The following BMPR1B variants were observed in gnomAD, a reference collection of about 807,000 sequenced individuals.
BMPR1B encodes bone morphogenetic protein receptor type 1B, also known as bone morphogenetic protein receptor type-1B.
BMPR1B carries 12 observed loss-of-function variants against 59.1 expected under a neutral mutation model. That is an observed-to-expected ratio of 0.20 (90% CI 0.13 to 0.33). The LOEUF is 0.33. BMPR1B is among the 10% of genes least tolerant of loss of function. The pLI, the probability that BMPR1B is intolerant of heterozygous loss-of-function variation, is 1.00. For missense variants in BMPR1B, 550 were observed against 610.9 expected, an observed-to-expected ratio of 0.90 and a Z score of 1.05; for synonymous variants, 237 against 207.3, an observed-to-expected ratio of 1.14 and a Z score of -1.23.
At chr4:94,906,713 T>C (rs981235283) in intron 2 of BMPR1B, among the ~76,000 whole-genome samples, 2 of 152,018 alleles carry the variant, frequency 1.3e-5, no homozygotes, top group Non-Finnish European at 2.9e-5. Context: ...GCCTGATAGA[T>C]TGTTGAAGTA....
chr4:94,796,689 T>C (rs1035256114), intron 1 of BMPR1B, among the ~76,000 whole-genome samples: 1 of 152,096 alleles, frequency 6.6e-6, no homozygotes, highest in African/African-American at 2.4e-5. Context: ...ATGTGTGTGC[T>C]TTCAGTTCTT....
chr4:94,766,498 A>G (rs1721973653), intron 1 of BMPR1B, among the ~76,000 whole-genome samples: 1 of 151,054 alleles, frequency 6.6e-6, no homozygotes, highest in African/African-American at 2.4e-5. Context: ...CCAGCCCTAT[A>G]CCTGTGAGTA....
intron 1 of BMPR1B, among the ~76,000 whole-genome samples, chr4:94,787,454 A>G: frequency 6.6e-6 from 1 of 152,234 alleles, no homozygotes; most frequent in East Asian, 1.9e-4. Flanking sequence ...TCCAGAGGAA[A>G]GAAGTATTCT....
chr4:94,889,547 G>T (rs1027403576), intron 2 of BMPR1B, among the ~76,000 whole-genome samples: 1 of 152,052 alleles, frequency 6.6e-6, no homozygotes, highest in African/African-American at 2.4e-5. Flanking sequence ...CAAATAAAAG[G>T]TGTTGTGCTT....
chr4:95,093,478 C>A (rs1579066412), intron 3 of BMPR1B, among the ~76,000 whole-genome samples: 3 of 151,572 alleles, frequency 2.0e-5, no homozygotes, highest in African/African-American at 7.3e-5. Context: ...ACCTGGAAAA[C>A]AAATGAATAT....
chr4:95,086,038 A>G (rs897051721), intron 3 of BMPR1B, among the ~76,000 whole-genome samples: 1 of 151,714 alleles, frequency 6.6e-6, no homozygotes, highest in Non-Finnish European at 1.5e-5. Flanking sequence ...TAAAAATACA[A>G]AATCTTTTGA....
chr4:94,777,497 G>A (rs1299369128), intron 1 of BMPR1B, among the ~76,000 whole-genome samples: 6 of 151,994 alleles, frequency 3.9e-5, no homozygotes, highest in South Asian at 2.1e-4. Context: ...ATGGTTCTGA[G>A]TTTTACTTAA....
chr4:94,926,405 C>G (rs1017990835), intron 2 of BMPR1B, among the ~76,000 whole-genome samples: 6 of 152,054 alleles, frequency 3.9e-5, no homozygotes, highest in South Asian at 2.1e-4. Context: ...CAGTGTTTTC[C>G]TACATTCTGA....
chr4:94,774,445 A>G (rs148253332), intron 1 of BMPR1B, among the ~76,000 whole-genome samples: 4 of 152,210 alleles, frequency 2.6e-5, no homozygotes, highest in South Asian at 2.1e-4. Context: ...ATCAGAAATG[A>G]GAAAGAATGT....
At chr4:95,142,823 T>A (rs1734345121) in intron 10 of BMPR1B, among the ~76,000 whole-genome samples, 1 of 151,784 alleles carries the variant, frequency 6.6e-6, no homozygotes, top group African/African-American at 2.4e-5. Context: ...CTTTTTTTTT[T>A]TTTTTAACAT....
chr4:94,854,937 C>T (rs1725700290), intron 1 of BMPR1B, among the ~76,000 whole-genome samples: 1 of 152,272 alleles, frequency 6.6e-6, no homozygotes, highest in Admixed American at 6.5e-5. Context: ...ATTCAATTAT[C>T]ATCTCTTATA....
At chr4:95,002,930 T>G (rs1369941335) in intron 3 of BMPR1B, among the ~76,000 whole-genome samples, 1 of 152,034 alleles carries the variant, frequency 6.6e-6, no homozygotes, top group Non-Finnish European at 1.5e-5. Flanking sequence ...TATAATTTAT[T>G]TATATACTTA....
chr4:94,897,575 G>A (rs1727633763), intron 2 of BMPR1B, among the ~76,000 whole-genome samples: 1 of 151,890 alleles, frequency 6.6e-6, no homozygotes, highest in Admixed American at 6.6e-5. Context: ...TTTTTTCTAT[G>A]AATTTTAAAT....
intron 3 of BMPR1B, among the ~76,000 whole-genome samples, chr4:95,022,296 C>A (rs992225703): frequency 6.6e-6 from 1 of 152,152 alleles, no homozygotes; most frequent in Non-Finnish European, 1.5e-5. Flanking sequence ...AGTGGCTGTT[C>A]GAAAATATCT....
chr4:95,120,148 C>T (rs1420840560), intron 6 of BMPR1B, among the ~76,000 whole-genome samples: 1 of 152,178 alleles, frequency 6.6e-6, no homozygotes, highest in African/African-American at 2.4e-5. Context: ...CATTAATTCA[C>T]TTAGGACTAT....
chr4:95,063,266 T>C (rs1727541441), intron 3 of BMPR1B, among the ~76,000 whole-genome samples: 1 of 152,190 alleles, frequency 6.6e-6, no homozygotes, highest in African/African-American at 2.4e-5. Context: ...CATACAAATA[T>C]CAGCATTCAT....
Position 95,091,270 on chromosome 4 carries a change from C to CT in BMPR1B, c.-17-13128dup, listed in dbSNP as rs879339165. ...TTTCTTTTCTTTCTTTTTTTCTTTT[C>CT]TTTTTTTTTTGTTTTGTTTTGTTTT... On this transcript the variant is annotated intron_variant, in intron 3 of 12. Coordinates refer to ENST00000515059, the MANE Select transcript of BMPR1B (RefSeq NM_001203.3). Among the ~76,000 whole-genome samples the CT allele has an allele frequency of 2.1e-3, 321 of 150,188 alleles. 1 individual carries two copies. The highest frequency in any genetic ancestry group is 6.1e-3 in the East Asian group (31 of 5,094).
chr4:95,063,228 T>G (rs2114534), intron 3 of BMPR1B, among the ~76,000 whole-genome samples: 72,664 of 151,938 alleles, frequency 0.48, 17,861 homozygotes, highest in East Asian at 0.69. Flanking sequence ...CATATTCCAT[T>G]TGTGGTTTTA....
In BMPR1B at chr4:95,070,973, C is replaced by A. The variant is rs185693186; in HGVS notation, c.-17-33435C>A. On this transcript the variant is annotated intron_variant, in intron 3 of 12. Transcript: ENST00000515059. ...AAAACATGTTGAAGTACTTTTTCTT[C>A]TTCCTTTAGTCACCAGAAATGAGTA... Among the ~76,000 whole-genome samples the A allele has an allele frequency of 6.1e-4, 93 of 152,144 alleles. 1 individual carries two copies. Among genetic ancestry groups the A allele is most frequent in the African/African-American group, 1.8e-3 (75 of 41,520 alleles).
Sources: allele counts gnomAD v4.1 joint callset (sites outside exome capture counted in the v4.1 genomes callset), GRCh38; gene constraint gnomAD v4.1.1; transcripts MANE v1.5; gene names NCBI Gene and HGNC (gene_info 2026-07-23, HGNC 2026-07-21).